USH2A: variants seen among roughly 807,000 people sequenced by gnomAD.
USH2A encodes usherin, also known as Usher syndrome 2A (autosomal recessive, mild).
Under a neutral mutation model 538.9 loss-of-function variants are expected in USH2A, and 443 were observed. The observed-to-expected ratio is 0.82, with a 90% CI of 0.76 to 0.89. The LOEUF (loss-of-function observed/expected upper bound fraction) is 0.89. Among genes scored for constraint, USH2A ranks in the 40% least tolerant of loss-of-function variants. The pLI is 0.00. For synonymous variants in USH2A, 2,413 were observed against 2,273.5 expected (o/e 1.06, Z -1.75); for missense variants, 6,633 against 6,324.8 (o/e 1.05, Z -1.65).
At chr1:216,007,767 T>C (rs1412534277) in intron 32 of USH2A, among the ~76,000 whole-genome samples, 1 of 152,226 alleles carries the variant, frequency 6.6e-6, no homozygotes, top group East Asian at 1.9e-4. Context: ...ACACTCCAGA[T>C]GCTAAGGAAC....
intron 3 of USH2A, among the ~76,000 whole-genome samples, chr1:216,395,708 G>T (rs1386217467): frequency 1.3e-5 from 2 of 152,194 alleles, no homozygotes; most frequent in African/African-American, 2.4e-5. Flanking sequence ...AGACATTTTT[G>T]ACTATTGCAA....
Position 216,292,304 on chromosome 1 carries a change from T to G in USH2A, c.1711A>C (p.Asn571His), listed in dbSNP as rs141644545. The stretch of plus-strand genomic sequence containing the variant: ...CTGTTGCATTGACAAGGTTTACAAT[T>G]GAAAGCGTAAACTTGATCACCTTGG... ...FRQGDQVYAFNCKPCQCNSHS... is the reference protein window; with the variant it reads ...FRQGDQVYAFHCKPCQCNSHS... Residue 571 changes from asparagine to histidine, a missense_variant, in exon 10 of 72, where the codon AAT becomes CAT. By Grantham distance (68) the Asn-to-His change is moderately conservative. Transcript: ENST00000307340. The G allele has an allele frequency of 6.2e-7, 1 of 1,613,960 alleles. No homozygotes were observed. The highest frequency in any genetic ancestry group is 8.5e-7 in the Non-Finnish European group (1 of 1,179,992).
rs376842958 is a variant in USH2A, at chr1:216,217,372, C to A, written c.3157+15G>T. 8 of 1,612,460 alleles carry A rather than the reference C, an allele frequency of 5.0e-6. No individual in the cohort carries two copies. The highest frequency in any genetic ancestry group is 6.8e-6 in the Non-Finnish European group (8 of 1,179,022). ...TGCTGCTTCACACACCAGCACTGAA[C>A]CAGAGTTCACTTACTTTTGCTGCAA... On this transcript the variant is annotated intron_variant, in intron 15 of 71. Transcript: ENST00000307340.
intron 21 of USH2A, among the ~76,000 whole-genome samples, chr1:216,115,098 A>T (rs1358509670): frequency 6.9e-6 from 1 of 144,316 alleles, no homozygotes; most frequent in Non-Finnish European, 1.5e-5. Context: ...CTTACATACC[A>T]AGATATTTAT....
chr1:216,024,846 T>C (rs1668927041), intron 32 of USH2A, among the ~76,000 whole-genome samples: 1 of 152,016 alleles, frequency 6.6e-6, no homozygotes, highest in Admixed American at 6.6e-5. Flanking sequence ...TTATCTGACA[T>C]AGGTTTTATA....
intron 49 of USH2A, among the ~76,000 whole-genome samples, chr1:215,808,767 A>G (rs1319946847): frequency 6.6e-6 from 1 of 152,106 alleles, no homozygotes; most frequent in East Asian, 1.9e-4. Context: ...ATTGCTACAT[A>G]GTATTCCTTT....
At chr1:216,050,591 T>TCCTTTCCTTTCCTTTCCTTTCCTTTC (rs1553294790) in intron 30 of USH2A, among the ~76,000 whole-genome samples, 1 of 80,666 alleles carries the variant, frequency 1.2e-5, no homozygotes, top group Non-Finnish European at 2.3e-5. Flanking sequence ...TTTCTTTCTT[T>TCCTTTCCTTTCCTTTCCTTTCCTTTC]CTTTCTTTCT....
chr1:216,144,968 AC>A (rs1245112888), intron 21 of USH2A, among the ~76,000 whole-genome samples: 1 of 152,152 alleles, frequency 6.6e-6, no homozygotes, highest in Non-Finnish European at 1.5e-5. Flanking sequence ...TCCAGAGATA[AC>A]AGTGTGTTCT....
Position 216,198,379 on chromosome 1 carries a change from G to A in USH2A, c.4017C>T (p.Val1339=), listed in dbSNP as rs201553185. Residue 1339 remains valine, a synonymous_variant, in exon 18 of 72, where the codon GTC becomes GTT. Transcript: ENST00000307340. ...CACTTCCAGCCATATTCACAGCTAA[G>A]ACTCTGAACTCATACTTGGTGTATG... The part of the protein sequence containing the change: ...LEPYTKYEFR[V]LAVNMAGSVS... 1 of 1,614,022 alleles carries A rather than the reference G, an allele frequency of 6.2e-7. No homozygotes were observed. Among genetic ancestry groups the A allele is most frequent in the African/African-American group, 1.3e-5 (1 of 75,030 alleles).
At position 216,370,543 on chromosome 1, in the gene USH2A, G is replaced by A. The variant is rs187604288; in HGVS notation, c.652-5458C>T. Among the ~76,000 whole-genome samples the A allele has an allele frequency of 1.6e-3, 234 of 150,494 alleles. 1 individual carries two copies. The highest frequency in any genetic ancestry group is 6.9e-3 in the Middle Eastern group (2 of 290). ...AAAAATACAAAAATTAGCTGGGTAT[G>A]GTGGCACGAGCCTGTAATCCGGGCT... On this transcript the variant is annotated intron_variant, in intron 3 of 71. Coordinates refer to ENST00000307340, the MANE Select transcript of USH2A (RefSeq NM_206933.4).
chr1:216,089,155 G>A lies in USH2A; in HGVS notation c.4759-16C>T, dbSNP rs1190053645. 2 of 1,609,748 alleles carry A rather than the reference G, an allele frequency of 1.2e-6. No homozygotes were observed. Among genetic ancestry groups the A allele is most frequent in the African/African-American group, 1.3e-5 (1 of 74,762 alleles). On this transcript the variant is annotated splice_polypyrimidine_tract_variant and intron_variant, in intron 22 of 71. Transcript: ENST00000307340. ...CTGGTGACCCCTTAAGGGAATGAAT[G>A]AATAAATAAATGTTTATACATGCAT...
intron 14 of USH2A, among the ~76,000 whole-genome samples, chr1:216,229,538 C>T (rs1441265182): frequency 1.3e-5 from 2 of 152,098 alleles, no homozygotes; most frequent in African/African-American, 4.8e-5. Flanking sequence ...TGGTCTTAAA[C>T]TCCTGGACTC....
At chr1:215,977,493 T>C (rs922539957) in intron 35 of USH2A, among the ~76,000 whole-genome samples, 1 of 138,440 alleles carries the variant, frequency 7.2e-6, no homozygotes, top group Non-Finnish European at 1.6e-5. Flanking sequence ...ATACTTAAAA[T>C]AATTTTTTAA....
At position 215,671,204 on chromosome 1, in the gene USH2A, A is replaced by C; in HGVS notation, c.13901T>G (p.Met4634Arg). 6.2e-7 allele frequency: 1 copy of C among 1,614,160 alleles called. No individual in the cohort carries two copies. Among genetic ancestry groups the C allele is most frequent in the Admixed American group, 1.7e-5 (1 of 60,026 alleles). ...TACCTCCAGATGTGGAGGGGGTTGC[A>C]TCAAAGGTGCAATCTCAGGGGTCTG... ...FIQTPEIAPL[M>R]QPPPHLEVQM... The change falls in exon 64 of 72, where the codon ATG becomes AGG. Residue 4634 changes from methionine to arginine, a missense_variant. By Grantham distance (91) the Met-to-Arg change is moderately conservative (BLOSUM62 -1). Transcript: ENST00000307340.
At chr1:215,985,926 T>G (rs1667862713) in intron 35 of USH2A, among the ~76,000 whole-genome samples, 1 of 152,340 alleles carries the variant, frequency 6.6e-6, no homozygotes, top group Non-Finnish European at 1.5e-5. Context: ...ATAATCAACC[T>G]GCTAAGATGT....
intron 9 of USH2A, among the ~76,000 whole-genome samples, chr1:216,310,550 C>T (rs559182787): frequency 2.6e-5 from 4 of 151,986 alleles, no homozygotes; most frequent in Non-Finnish European, 2.9e-5. Context: ...TTTTTCTCCT[C>T]GACCATATAT....
At chr1:216,060,092 A>G (rs1219197381) in intron 30 of USH2A, among the ~76,000 whole-genome samples, 1 of 152,218 alleles carries the variant, frequency 6.6e-6, no homozygotes, top group Admixed American at 6.5e-5. Flanking sequence ...TAAAGCAGGG[A>G]TAGTTGCAAG....
At chr1:215,835,858 T>A (rs1663464531) in intron 47 of USH2A, among the ~76,000 whole-genome samples, 2 of 152,208 alleles carry the variant, frequency 1.3e-5, no homozygotes, top group South Asian at 4.1e-4. Flanking sequence ...AAAATTGTGT[T>A]GCAATCTCTT....
chr1:215,628,472 A>G (rs1210197029), intron 71 of USH2A, among the ~76,000 whole-genome samples: 1 of 151,982 alleles, frequency 6.6e-6, no homozygotes, highest in Non-Finnish European at 1.5e-5. Flanking sequence ...TAGTACAGAC[A>G]GGGTTTCACC....
Sources: allele counts gnomAD v4.1 joint callset (sites outside exome capture counted in the v4.1 genomes callset), GRCh38; gene constraint gnomAD v4.1.1; transcripts MANE v1.5; gene names NCBI Gene and HGNC (gene_info 2026-07-23, HGNC 2026-07-21).